Variants in YJU2 observed in about 807,000 individuals in gnomAD.
The protein encoded by YJU2 is YJU2 splicing factor homolog, also known as splicing factor YJU2.
A neutral mutation model predicts 39.6 loss-of-function variants in YJU2; 28 were observed. The ratio of observed to expected loss-of-function variants is 0.71; its 90% CI spans 0.52 to 0.97. The LOEUF is 0.97. Among genes scored for constraint, YJU2 ranks in the 50% least tolerant of loss-of-function variants. The pLI is 0.00. For missense variants in YJU2, 328 were observed against 430.4 expected (o/e 0.76, Z 2.11); for synonymous variants, 184 against 182.4 (o/e 1.01, Z -0.07).
chr19:4,264,212 A>C (rs991974671), intron 6 of YJU2, among the ~76,000 whole-genome samples: 3 of 130,270 alleles, frequency 2.3e-5, no homozygotes, highest in African/African-American at 8.6e-5. Context: ...CAGTGAGCCG[A>C]GATTGTGCCA....
At chr19:4,256,130 C>T (rs949478756) in intron 4 of YJU2, among the ~76,000 whole-genome samples, 1 of 143,570 alleles carries the variant, frequency 7.0e-6, no homozygotes, top group Non-Finnish European at 1.5e-5. Context: ...GCTATGATCA[C>T]ATCACTGCAC....
At chr19:4,252,889 A>T (rs1046249290) in intron 3 of YJU2, among the ~76,000 whole-genome samples, 1 of 152,042 alleles carries the variant, frequency 6.6e-6, no homozygotes, top group Admixed American at 6.6e-5. Context: ...TTTCACTGCT[A>T]TACTCCAGCC....
intron 5 of YJU2, among the ~76,000 whole-genome samples, chr19:4,260,830 C>G (rs551057133): frequency 2.0e-5 from 3 of 152,142 alleles, no homozygotes; most frequent in Non-Finnish European, 4.4e-5. Context: ...AATGGGTGCT[C>G]TGCCCTCACG....
Position 4,267,776 on chromosome 19 carries a change from TA to T in YJU2, c.859+4del. The T allele has an allele frequency of 6.2e-7, 1 of 1,610,894 alleles. No individual in the cohort carries two copies. The highest frequency in any genetic ancestry group is 1.1e-5 in the South Asian group (1 of 90,818). ...AGCCTCAGGCGGCCCCCACCCCAGG[TA>T]AGGTCACAGAGTTCCCAGAGCCGGG... On this transcript the variant is annotated splice_donor_region_variant and intron_variant, in intron 7 of 7. Transcript: ENST00000262962.
chr19:4,249,362 C>A, intron 2 of YJU2, 34 bp downstream of exon 2: 5 of 1,433,366 alleles, frequency 3.5e-6, no homozygotes, highest in Non-Finnish European at 4.9e-6. Flanking sequence ...ACACACCAGT[C>A]ATGGCTGAAG....
chr19:4,259,087 T>C (rs1240495089), intron 5 of YJU2, among the ~76,000 whole-genome samples: 6 of 134,186 alleles, frequency 4.5e-5, no homozygotes, highest in African/African-American at 1.7e-4. Flanking sequence ...TTTTTTTTTT[T>C]TTTTTTTTTT....
At chr19:4,266,717 C>T (rs1358442372) in intron 6 of YJU2, among the ~76,000 whole-genome samples, 1 of 152,202 alleles carries the variant, frequency 6.6e-6, no homozygotes, top group African/African-American at 2.4e-5. Context: ...TGCAGTGGCT[C>T]ACGCCTGTCA....
At chr19:4,251,884 G>T (rs1970979857) in intron 3 of YJU2, among the ~76,000 whole-genome samples, 1 of 152,010 alleles carries the variant, frequency 6.6e-6, no homozygotes, top group Non-Finnish European at 1.5e-5. Context: ...GTACTTGGGA[G>T]ACCAAAGCAG....
chr19:4,267,494 G>A, intron 6 of YJU2, 130 bp from the exon 7 acceptor site: 2 of 960,608 alleles, frequency 2.1e-6, no homozygotes, highest in Non-Finnish European at 1.6e-6. Flanking sequence ...GGAGTTTAGA[G>A]CAGAGGAGGA....
At chr19:4,249,463 A>C (rs1970958031) in intron 2 of YJU2, 135 bp downstream of exon 2, 8 of 606,960 alleles carry the variant, frequency 1.3e-5, no homozygotes, top group Non-Finnish European at 2.3e-5. Context: ...GACATTGACC[A>C]TTCCAACCCT....
chr19:4,250,853 A>T (rs1970970348), intron 2 of YJU2, among the ~76,000 whole-genome samples, 174 bp from the exon 3 acceptor site: 1 of 151,996 alleles, frequency 6.6e-6, no homozygotes, highest in African/African-American at 2.4e-5. Flanking sequence ...GAGAACACGA[A>T]GTTCTCAGGT....
Position 4,258,367 on chromosome 19 carries a change from C to G in YJU2, c.531C>G (p.Arg177=). The G allele has an allele frequency of 6.3e-7, 1 of 1,597,498 alleles. No homozygotes were observed. The highest frequency in any genetic ancestry group is 8.5e-7 in the Non-Finnish European group (1 of 1,173,890). The part of the protein sequence containing the change: ...VDFEAMLRQH[R]LSEEERRRQQ... Reference sequence around the variant, plus strand: ...TCGAGGCTATGCTGAGGCAGCACCGCCTGTCGGAGGAGGAGCGGCGGAGGC... The same window carrying G: ...TCGAGGCTATGCTGAGGCAGCACCGGCTGTCGGAGGAGGAGCGGCGGAGGC... The change falls in exon 5 of 8, where the codon CGC becomes CGG. Residue 177 remains arginine (R), a synonymous_variant. Transcript: ENST00000262962.
At chr19:4,258,013 C>T (rs1346436902) in intron 4 of YJU2, among the ~76,000 whole-genome samples, 3 of 152,226 alleles carry the variant, frequency 2.0e-5, no homozygotes, top group African/African-American at 4.8e-5. Context: ...GCTCAGATCC[C>T]GGCTCCACCA....
intron 6 of YJU2, among the ~76,000 whole-genome samples, chr19:4,264,167 CAG>C (rs1971096395): frequency 1.5e-5 from 2 of 137,092 alleles, no homozygotes; most frequent in African/African-American, 2.8e-5. Context: ...GAGGCTGAGA[CAG>C]GAGAATGGCG....
chr19:4,249,708 CTTTTT>C (rs111734725), intron 2 of YJU2, among the ~76,000 whole-genome samples: 2 of 143,214 alleles, frequency 1.4e-5, no homozygotes, highest in Middle Eastern at 3.3e-3. Flanking sequence ...TTCTTTCTTT[CTTTTT>C]TTTTTTTTGT....
chr19:4,259,071 CTTTTTTTTTTTT>C (rs34728075), intron 5 of YJU2, among the ~76,000 whole-genome samples: 11 of 90,262 alleles, frequency 1.2e-4, no homozygotes, highest in Admixed American at 3.6e-4. Context: ...GAACACTTTT[CTTTTTTTTTTTT>C]TTTTTTTTTT....
chr19:4,251,522 C>T (rs994215144), intron 3 of YJU2, among the ~76,000 whole-genome samples: 1 of 152,036 alleles, frequency 6.6e-6, no homozygotes, highest in African/African-American at 2.4e-5. Context: ...AATGCCATGT[C>T]TACTAAAAAT....
At chr19:4,253,611 A>G (rs148584292) in intron 3 of YJU2, among the ~76,000 whole-genome samples, 11 of 152,294 alleles carry the variant, frequency 7.2e-5, no homozygotes, top group Admixed American at 2.6e-4. Flanking sequence ...TGTTACTATT[A>G]GCATTTAGAC....
At position 4,254,360 on chromosome 19, in the gene YJU2, C is replaced by T. The variant is rs747229688; in HGVS notation, c.276C>T (p.Asp92=). ...RCLAEITFKT[D]PENTDYTMEH... ...TCTGTCTATCCTCCCTGCAGACAGA[C>T]CCTGAAAACACAGACTACACCATGG... The change falls in exon 4 of 8, where the codon GAC becomes GAT. Residue 92 remains aspartate (D), a synonymous_variant. Coordinates refer to ENST00000262962, the MANE Select transcript of YJU2 (RefSeq NM_018074.6). The T allele has an allele frequency of 8.7e-6, 14 of 1,612,944 alleles. No homozygotes were observed. The highest frequency in any genetic ancestry group is 1.2e-5 in the Non-Finnish European group (14 of 1,179,366).
Sources: allele counts gnomAD v4.1 joint callset (sites outside exome capture counted in the v4.1 genomes callset), GRCh38; gene constraint gnomAD v4.1.1; transcripts MANE v1.5; gene names NCBI Gene and HGNC (gene_info 2026-07-23, HGNC 2026-07-21).